JPH3: variants seen among roughly 807,000 people sequenced by gnomAD.
JPH3 encodes junctophilin-3.
Under a neutral mutation model 59.6 loss-of-function variants are expected in JPH3, and 11 were observed. That is an observed-to-expected ratio of 0.18 (90% CI 0.12 to 0.31). The LOEUF (loss-of-function observed/expected upper bound fraction) is 0.31, where lower values mean the gene tolerates loss of function less well. Ranked by LOEUF, JPH3 falls within the 10% of genes least tolerant of loss-of-function variation. The pLI is 1.00. For missense variants in JPH3, 1,202 were observed against 1,105.7 expected (o/e 1.09, Z -1.24); for synonymous variants, 673 against 483.6 (o/e 1.39, Z -5.14).
chr16:87,657,732 A>T (rs2032553641), intron 2 of JPH3, among the ~76,000 whole-genome samples: 1 of 152,186 alleles, frequency 6.6e-6, no homozygotes, highest in Non-Finnish European at 1.5e-5. Context: ...GACCACAGGA[A>T]GACCATGAGC....
In JPH3 at chr16:87,667,435, T is replaced by C. The variant is rs557457245; in HGVS notation, c.1161-16707T>C. On this transcript the variant is annotated intron_variant, in intron 2 of 4. Coordinates refer to ENST00000284262, the MANE Select transcript of JPH3 (RefSeq NM_020655.4). ...GCTCTGATCCGAACAATCGTCCTTC[T>C]GTCTGCCGCCCGACTTCCCCAGCCC... is the stretch of plus-strand genomic sequence containing the variant. Among the ~76,000 whole-genome samples, 112 of 152,362 alleles carry C rather than the reference T, an allele frequency of 7.4e-4. 1 individual carries two copies. Among genetic ancestry groups the C allele is most frequent in the African/African-American group, 2.6e-3 (108 of 41,584 alleles).
At chr16:87,695,892 G>C (rs920517985) in intron 4 of JPH3, 6 of 456,048 alleles carry the variant, frequency 1.3e-5, no homozygotes, top group Admixed American at 1.2e-4. Flanking sequence ...TGCGGCTGAA[G>C]GGGGAGTCTG....
chr16:87,682,083 T>A (rs550781081), intron 2 of JPH3, among the ~76,000 whole-genome samples: 270 of 152,272 alleles, frequency 1.8e-3, no homozygotes, highest in Non-Finnish European at 2.9e-3. Context: ...ACAGGGGGTG[T>A]GCTCTCTGGG....
chr16:87,645,580 G>A (rs978230512), intron 2 of JPH3, among the ~76,000 whole-genome samples: 3 of 152,168 alleles, frequency 2.0e-5, no homozygotes, highest in African/African-American at 7.2e-5. Flanking sequence ...TGGTGCTTTG[G>A]GGGCAGCCGC....
intron 2 of JPH3, among the ~76,000 whole-genome samples, chr16:87,671,706 G>T (rs1051220439): frequency 3.3e-5 from 5 of 152,058 alleles, no homozygotes; most frequent in African/African-American, 4.8e-5. Context: ...CCACCCCTTG[G>T]TGTTGCCGCA....
intron 2 of JPH3, among the ~76,000 whole-genome samples, chr16:87,672,330 G>C (rs185961588): frequency 6.6e-6 from 1 of 152,294 alleles, no homozygotes; most frequent in East Asian, 1.9e-4. Context: ...ATGGTCCCAG[G>C]CTAACGGGCT....
At chr16:87,679,728 G>C (rs1259231043) in intron 2 of JPH3, among the ~76,000 whole-genome samples, 1 of 152,238 alleles carries the variant, frequency 6.6e-6, no homozygotes, top group Non-Finnish European at 1.5e-5. Context: ...GGGCCCACCA[G>C]AGCCTTAGTC....
intron 1 of JPH3, among the ~76,000 whole-genome samples, chr16:87,634,617 G>A (rs781171888): frequency 6.6e-5 from 10 of 152,256 alleles, no homozygotes; most frequent in Non-Finnish European, 1.2e-4. Context: ...CCAGGCTGGT[G>A]GATCTAATTG....
rs147627555 is a variant in JPH3, at chr16:87,668,585, G to C, written c.1161-15557G>C. ...GGAGAAAATCACCTGTCCTTGCCAA[G>C]GGTCCGGTGGGAATTAAATGAGCTG... is the stretch of plus-strand genomic sequence containing the variant. On this transcript the variant is annotated intron_variant, in intron 2 of 4. Coordinates refer to ENST00000284262, the MANE Select transcript of JPH3 (RefSeq NM_020655.4). Among the ~76,000 whole-genome samples, 712 of 152,328 alleles carry C rather than the reference G, an allele frequency of 4.7e-3. 5 individuals are homozygous for C. The highest frequency in any genetic ancestry group is 0.016 in the African/African-American group (668 of 41,580).
In JPH3 at chr16:87,651,971, C is replaced by T. The variant is rs192784949; in HGVS notation, c.1160+6936C>T. Among the ~76,000 whole-genome samples, 481 of 147,132 alleles carry T rather than the reference C, an allele frequency of 3.3e-3. 1 individual carries two copies. Among genetic ancestry groups the T allele is most frequent in the African/African-American group, 0.012 (462 of 39,328 alleles). On this transcript the variant is annotated intron_variant, in intron 2 of 4. Transcript: ENST00000284262. ...TCATTGATGCAGCCAACATTGTTGT[C>T]GTTTTTTTTTTGTTTTGTTTTGAGA...
chr16:87,656,221 A>G (rs547433338), intron 2 of JPH3, among the ~76,000 whole-genome samples: 1 of 152,340 alleles, frequency 6.6e-6, no homozygotes, highest in South Asian at 2.1e-4. Context: ...ACAGCCCAGG[A>G]AACAGAGTCT....
At chr16:87,670,106 C>A (rs1193024565) in intron 2 of JPH3, among the ~76,000 whole-genome samples, 1 of 152,146 alleles carries the variant, frequency 6.6e-6, no homozygotes, top group East Asian at 1.9e-4. Flanking sequence ...ACCCCCAAGG[C>A]CCTGACGGAG....
Position 87,689,676 on chromosome 16 carries a change from C to A in JPH3, c.1316C>A (p.Thr439Asn). Residue 439 changes from threonine (T) to asparagine (N), a missense_variant, in exon 4 of 5, where the codon ACC becomes AAC. Thr to Asn is a moderately conservative substitution (Grantham distance 65, BLOSUM62 0). Transcript: ENST00000284262. ...GLEYQRPKRQTSCDDIEVLST... is the reference protein window; with the variant it reads ...GLEYQRPKRQNSCDDIEVLST... The stretch of plus-strand genomic sequence containing the variant: ...GAGTACCAGAGGCCGAAGCGTCAGA[C>A]CTCCTGTGACGACATCGAGGTGCTG... 1 of 1,612,358 alleles carries A rather than the reference C, an allele frequency of 6.2e-7. No homozygotes were observed.
intron 1 of JPH3, among the ~76,000 whole-genome samples, chr16:87,630,870 A>G (rs746448055): frequency 3.9e-5 from 6 of 152,132 alleles, no homozygotes; most frequent in Non-Finnish European, 8.8e-5. Flanking sequence ...AGCTATCTCA[A>G]TATTGCTATA....
At chr16:87,614,060 C>T (rs1292176719) in intron 1 of JPH3, among the ~76,000 whole-genome samples, 2 of 152,220 alleles carry the variant, frequency 1.3e-5, no homozygotes, top group East Asian at 1.9e-4. Context: ...GGCCCTGCCC[C>T]AGGTCTCACA....
intron 2 of JPH3, among the ~76,000 whole-genome samples, chr16:87,657,998 C>G (rs538410436): frequency 9.9e-5 from 15 of 152,194 alleles, no homozygotes; most frequent in Middle Eastern, 3.2e-3. Flanking sequence ...TAAATGTCCC[C>G]TCTGCAGCAA....
At chr16:87,659,399 G>GAAAAAAA (rs2032627662) in intron 2 of JPH3, among the ~76,000 whole-genome samples, 2 of 65,440 alleles carry the variant, frequency 3.1e-5, no homozygotes, top group Non-Finnish European at 5.7e-5. Context: ...AAAAAAAAAA[G>GAAAAAAA]AAAACTACAC....
intron 1 of JPH3, among the ~76,000 whole-genome samples, chr16:87,624,087 TG>T (rs1470563040): frequency 2.6e-5 from 4 of 152,186 alleles, no homozygotes; most frequent in African/African-American, 9.6e-5. Flanking sequence ...ACTCCCCAAA[TG>T]GAGGGTCCCC....
intron 3 of JPH3, among the ~76,000 whole-genome samples, chr16:87,688,690 G>T (rs745414335): frequency 6.6e-6 from 1 of 152,152 alleles, no homozygotes; most frequent in Non-Finnish European, 1.5e-5. Flanking sequence ...ATTTTGGCTC[G>T]GGCAGGACGG....
Sources: allele counts gnomAD v4.1 joint callset (sites outside exome capture counted in the v4.1 genomes callset), GRCh38; gene constraint gnomAD v4.1.1; transcripts MANE v1.5; gene names NCBI Gene and HGNC (gene_info 2026-07-23, HGNC 2026-07-21).